The following DLGAP2 variants were observed in gnomAD, a reference collection of about 807,000 sequenced individuals.
DLGAP2 encodes the protein disks large-associated protein 2.
In DLGAP2, 26 loss-of-function variants were observed where a neutral mutation model predicts 100.3. The observed-to-expected ratio is 0.26, with a 90% CI of 0.19 to 0.36. The LOEUF is 0.36. Among genes scored for constraint, DLGAP2 ranks in the 10% least tolerant of loss-of-function variants. The pLI is 1.00. For missense variants in DLGAP2, 1,858 were observed against 1,453.2 expected, an observed-to-expected ratio of 1.28 and a Z score of -4.53; for synonymous variants, 886 against 630.1, an observed-to-expected ratio of 1.41 and a Z score of -6.08.
intron 1 of DLGAP2, among the ~76,000 whole-genome samples, chr8:886,647 G>A (rs1218361016): frequency 6.6e-6 from 1 of 152,186 alleles, no homozygotes; most frequent in African/African-American, 2.4e-5. Context: ...TCATTCAGGA[G>A]CAGGTTGTTC....
chr8:1,570,855 G>T (rs142655918), intron 6 of DLGAP2, among the ~76,000 whole-genome samples: 225 of 148,772 alleles, frequency 1.5e-3, no homozygotes, highest in African/African-American at 5.2e-3. Flanking sequence ...GAACTGTGGG[G>T]ATGTCTGATG....
intron 1 of DLGAP2, among the ~76,000 whole-genome samples, chr8:902,256 C>G (rs1798267583): frequency 6.6e-6 from 1 of 152,084 alleles, no homozygotes; most frequent in African/African-American, 2.4e-5. Flanking sequence ...GATAGGAGTC[C>G]TCGCTGAGCC....
rs543200142 is a variant in DLGAP2, at chr8:751,704, T to G, written c.18+13879T>G. 6.4e-3 allele frequency among the ~76,000 whole-genome samples: 962 copies of G among 150,406 alleles called. 1 individual carries two copies. Among genetic ancestry groups the G allele is most frequent in the African/African-American group, 0.011 (455 of 41,104 alleles). On this transcript the variant is annotated intron_variant, in intron 1 of 14. Transcript: ENST00000637795. The stretch of plus-strand genomic sequence containing the variant: ...GACACTTCATAGTAAGTCCTTATAG[T>G]AAGTTCATCTGACACTTCATAGTAA...
chr8:1,617,877 T>C (rs1328504438), intron 6 of DLGAP2, among the ~76,000 whole-genome samples: 2 of 152,156 alleles, frequency 1.3e-5, no homozygotes, highest in East Asian at 3.8e-4. Context: ...AGTATATGAA[T>C]AGGACATATG....
chr8:1,675,518 G>C (rs1256180367), intron 10 of DLGAP2, among the ~76,000 whole-genome samples: 1 of 152,212 alleles, frequency 6.6e-6, no homozygotes, highest in Non-Finnish European at 1.5e-5. Context: ...AGTCCTCGTT[G>C]ACACAGGCTT....
At chr8:1,360,248 G>A (rs1204191623) in intron 3 of DLGAP2, among the ~76,000 whole-genome samples, 2 of 137,780 alleles carry the variant, frequency 1.5e-5, no homozygotes, top group Non-Finnish European at 3.2e-5. Context: ...GGGCTTCTCC[G>A]GGGCGGGGCT....
At chr8:801,776 C>A (rs66491931) in intron 1 of DLGAP2, among the ~76,000 whole-genome samples, 39,989 of 152,162 alleles carry the variant, frequency 0.26, 6,046 homozygotes, top group East Asian at 0.77. Flanking sequence ...TAGGCTGTTT[C>A]TCTCCTGGGG....
At chr8:1,083,858 G>A (rs1803888050) in intron 2 of DLGAP2, among the ~76,000 whole-genome samples, 1 of 152,104 alleles carries the variant, frequency 6.6e-6, no homozygotes, top group Non-Finnish European at 1.5e-5. Context: ...TCTTAATATA[G>A]AAAGTGACTC....
chr8:822,087 C>T (rs1585900141), intron 1 of DLGAP2: 4 of 399,048 alleles, frequency 1.0e-5, no homozygotes, highest in East Asian at 3.6e-5. Context: ...CCATTCCTCA[C>T]CTAGGCTTTC....
At chr8:1,478,444 G>A (rs1798996410) in intron 3 of DLGAP2, among the ~76,000 whole-genome samples, 1 of 152,206 alleles carries the variant, frequency 6.6e-6, no homozygotes, top group South Asian at 2.1e-4. Context: ...CATGCTTTCA[G>A]CCCTGGCTTT....
At chr8:938,485 G>T (rs1799122326) in intron 2 of DLGAP2, among the ~76,000 whole-genome samples, 1 of 152,228 alleles carries the variant, frequency 6.6e-6, no homozygotes, top group Non-Finnish European at 1.5e-5. Flanking sequence ...CCCTGAGCAG[G>T]CTGTAGTGGA....
intron 3 of DLGAP2, among the ~76,000 whole-genome samples, chr8:1,347,627 A>T (rs1415465007): frequency 6.6e-6 from 1 of 151,754 alleles, no homozygotes; most frequent in Non-Finnish European, 1.5e-5. Flanking sequence ...CTTTGCACTC[A>T]TGGTAGCTGT....
intron 2 of DLGAP2, among the ~76,000 whole-genome samples, chr8:1,113,449 C>T (rs980559194): frequency 2.0e-5 from 3 of 152,106 alleles, no homozygotes; most frequent in Non-Finnish European, 4.4e-5. Context: ...GTATTTTATT[C>T]TTTTTGTGGC....
rs141726056 is a variant in DLGAP2 at position 1,277,995 on chromosome 8, A to G, written c.106+19112A>G. 5.9e-5 allele frequency among the ~76,000 whole-genome samples: 9 copies of G among 152,334 alleles called. No homozygotes were observed. The East Asian group carries it at 1.7e-3, about 29-fold the overall frequency. ...GATGGGGCTCATCAAACATCTTAAA[A>G]AACAAGTTATTATTTTTAGTCATCA... On this transcript the variant is annotated intron_variant, in intron 3 of 14. Coordinates refer to ENST00000637795, the MANE Select transcript of DLGAP2 (RefSeq NM_001346810.2).
intron 3 of DLGAP2, among the ~76,000 whole-genome samples, chr8:1,436,918 C>G (rs551468282): frequency 6.6e-6 from 1 of 152,376 alleles, no homozygotes; most frequent in African/African-American, 2.4e-5. Flanking sequence ...CCCTGTGTTA[C>G]AGTTTTCTAC....
In DLGAP2 at chr8:1,698,724, G is replaced by C. The variant is rs766172250; in HGVS notation, c.2949+1425G>C. Among the ~76,000 whole-genome samples, 107 of 150,928 alleles carry C rather than the reference G, an allele frequency of 7.1e-4. 1 individual carries two copies. The highest frequency in any genetic ancestry group is 1.0e-4 in the Non-Finnish European group (7 of 67,736). On this transcript the variant is annotated intron_variant, in intron 14 of 14. Transcript: ENST00000637795. ...GTCCACATAAGCCATGCATGGGACA[G>C]GTCCACATAAGCCATGTGTGGGACT...
At position 1,267,566 on chromosome 8, in the gene DLGAP2, A is replaced by AATAATAATAAAATAAAATAAAATAAAAT. The variant is rs1157314060; in HGVS notation, c.106+8687_106+8688insTAATAAAATAAAATAAAATAAAATATAA. Among the ~76,000 whole-genome samples, 20 of 46,888 alleles carry AATAATAATAAAATAAAATAAAATAAAAT rather than the reference A, an allele frequency of 4.3e-4. 3 individuals carry two copies. Among genetic ancestry groups the AATAATAATAAAATAAAATAAAATAAAAT allele is most frequent in the African/African-American group, 1.9e-3 (19 of 10,024 alleles). 30.8% of individuals were successfully genotyped at this position (46,888 alleles called of 152,430 possible). ...AGAGCAAAATTCCCGCTCAAAATAA[A>AATAATAATAAAATAAAATAAAATAAAAT]ATAAAATAAAATAAAATAAAATAAG... On this transcript the variant is annotated intron_variant, in intron 3 of 14. Transcript: ENST00000637795.
At chr8:1,532,561 CAGA>C (rs1320666008) in intron 4 of DLGAP2, among the ~76,000 whole-genome samples, 2 of 152,150 alleles carry the variant, frequency 1.3e-5, no homozygotes, top group Non-Finnish European at 2.9e-5. Context: ...ATTTATTTCT[CAGA>C]AGGTCACACT....
At chr8:1,106,958 C>A (rs564854967) in intron 2 of DLGAP2, among the ~76,000 whole-genome samples, 5 of 152,120 alleles carry the variant, frequency 3.3e-5, no homozygotes, top group African/African-American at 1.2e-4. Flanking sequence ...GACGTATTTT[C>A]TTCTGGGAAG....
Sources: gnomAD v4.1 joint callset for allele counts (sites outside exome capture counted in the v4.1 genomes callset) on GRCh38, gnomAD v4.1.1 for gene constraint, MANE v1.5 for transcripts, NCBI Gene and HGNC (gene_info 2026-07-23, HGNC 2026-07-21) for gene names.